The following CAPZB variants were observed in gnomAD, a reference collection of about 807,000 sequenced individuals.
CAPZB encodes the protein F-actin-capping protein subunit beta.
Under a neutral mutation model 38.1 loss-of-function variants are expected in CAPZB, and 2 were observed. The ratio of observed to expected loss-of-function variants is 0.05; its 90% CI spans 0.02 to 0.17. CAPZB has a LOEUF of 0.17. Ranked by LOEUF, CAPZB falls within the 10% of genes least tolerant of loss-of-function variation. The pLI, the probability that CAPZB is intolerant of heterozygous loss-of-function variation, is 1.00. For synonymous variants in CAPZB, 107 were observed against 127.4 expected (o/e 0.84, Z 1.08); for missense variants, 161 against 334.2 (o/e 0.48, Z 4.04).
chr1:19,464,735 T>C (rs1003976790), intron 1 of CAPZB, among the ~76,000 whole-genome samples: 15 of 152,172 alleles, frequency 9.9e-5, no homozygotes, highest in Non-Finnish European at 1.2e-4. Flanking sequence ...TATTAATACA[T>C]GCAACATGAA....
intron 2 of CAPZB, among the ~76,000 whole-genome samples, chr1:19,416,072 T>C (rs2094377892): frequency 6.6e-6 from 1 of 152,220 alleles, no homozygotes; most frequent in African/African-American, 2.4e-5. Flanking sequence ...AGCTGGTGCC[T>C]CTCAGGCCGT....
At chr1:19,453,008 C>A (rs750493342) in intron 1 of CAPZB, among the ~76,000 whole-genome samples, 11 of 151,822 alleles carry the variant, frequency 7.2e-5, no homozygotes, top group Non-Finnish European at 1.6e-4. Context: ...TTTCACCATG[C>A]TGGCCAGGCT....
At chr1:19,434,418 TAAAA>T (rs202085180) in intron 1 of CAPZB, among the ~76,000 whole-genome samples, 2 of 146,492 alleles carry the variant, frequency 1.4e-5, no homozygotes, top group African/African-American at 5.0e-5. Context: ...TTCAATTAAA[TAAAA>T]AAAAAACAAA....
intron 2 of CAPZB, among the ~76,000 whole-genome samples, chr1:19,414,080 C>A (rs542417131): frequency 6.6e-6 from 1 of 151,974 alleles, no homozygotes; most frequent in East Asian, 1.9e-4. Context: ...GGCTGCTTCA[C>A]GGAGAGCAGG....
intron 2 of CAPZB, among the ~76,000 whole-genome samples, chr1:19,387,309 T>C (rs2094209436): frequency 1.3e-5 from 2 of 152,210 alleles, no homozygotes; most frequent in African/African-American, 4.8e-5. Context: ...GGACAGTGCA[T>C]GCTAAAGGCA....
chr1:19,449,674 A>G (rs2094508045), intron 1 of CAPZB, among the ~76,000 whole-genome samples: 1 of 151,744 alleles, frequency 6.6e-6, no homozygotes, highest in Non-Finnish European at 1.5e-5. Flanking sequence ...AGTCCCATCT[A>G]CTTGAGAGGC....
At chr1:19,477,771 G>A (rs2094611976) in intron 1 of CAPZB, among the ~76,000 whole-genome samples, 1 of 152,230 alleles carries the variant, frequency 6.6e-6, no homozygotes, top group Admixed American at 6.5e-5. Flanking sequence ...TTGAAAGAAA[G>A]ATGGGGTCTT....
At chr1:19,449,162 C>T (rs1223301926) in intron 1 of CAPZB, 6 of 1,325,050 alleles carry the variant, frequency 4.5e-6, no homozygotes, top group Middle Eastern at 2.9e-4. Flanking sequence ...GCTGATAACG[C>T]ACAAAGTGCA....
chr1:19,396,488 G>A (rs968475182), intron 2 of CAPZB, among the ~76,000 whole-genome samples: 28 of 152,154 alleles, frequency 1.8e-4, no homozygotes, highest in Admixed American at 1.6e-3. Flanking sequence ...GTGGGCTGCC[G>A]CCTGCTGTGG....
chr1:19,371,476 C>T (rs1224999909), intron 4 of CAPZB, among the ~76,000 whole-genome samples: 1 of 152,232 alleles, frequency 6.6e-6, no homozygotes, highest in Non-Finnish European at 1.5e-5. Flanking sequence ...CCTCAGCCCA[C>T]AGCATGGGTA....
In CAPZB at chr1:19,356,330, C is replaced by T. The variant is rs1160557930; in HGVS notation, c.588+305G>A. Among the ~76,000 whole-genome samples, 1 of 152,178 alleles carries T rather than the reference C, an allele frequency of 6.6e-6. No homozygotes were observed. Among genetic ancestry groups the T allele is most frequent in the Non-Finnish European group, 1.5e-5 (1 of 68,042 alleles). Reference sequence around the variant, plus strand: ...AGAGACGGCAAACAGGGCCAAGCACCACTTCTCACAGCACAACATGAGCTG... The same window carrying T: ...AGAGACGGCAAACAGGGCCAAGCACTACTTCTCACAGCACAACATGAGCTG... On this transcript the variant is annotated intron_variant, in intron 6 of 8. Transcript: ENST00000264202. The surrounding 1 kb of genome is among the most constrained non-coding windows in gnomAD (Gnocchi z 4.3).
chr1:19,471,834 C>T (rs1254601335), intron 1 of CAPZB, among the ~76,000 whole-genome samples: 1 of 120,140 alleles, frequency 8.3e-6, no homozygotes, highest in East Asian at 2.5e-4. Context: ...CCACTGCACT[C>T]CAGCCTGGGA....
At chr1:19,366,307 T>TAA (rs1553270786) in intron 4 of CAPZB, among the ~76,000 whole-genome samples, 2 of 74,152 alleles carry the variant, frequency 2.7e-5, no homozygotes, top group East Asian at 7.6e-4. Context: ...TATATATATA[T>TAA]ATAAATAAAA....
At chr1:19,391,682 G>A (rs541381031) in intron 2 of CAPZB, among the ~76,000 whole-genome samples, 12 of 152,164 alleles carry the variant, frequency 7.9e-5, no homozygotes, top group African/African-American at 1.2e-4. Flanking sequence ...TCAAATCCTC[G>A]GTCAGTCACT....
intron 4 of CAPZB, among the ~76,000 whole-genome samples, chr1:19,362,643 TAAAAAAAAGAA>T (rs1339718807): frequency 2.0e-5 from 3 of 147,728 alleles, no homozygotes; most frequent in Non-Finnish European, 4.5e-5. Context: ...CCAGCCTCTA[TAAAAAAAAGAA>T]AAAAGAAAGA....
intron 2 of CAPZB, among the ~76,000 whole-genome samples, chr1:19,404,474 G>C (rs893005991): frequency 6.6e-6 from 1 of 151,202 alleles, no homozygotes; most frequent in African/African-American, 2.4e-5. Flanking sequence ...AACTCGGGAG[G>C]TGGAGGCTGC....
rs184584942 is a variant in CAPZB, at chr1:19,376,364, T to C, written c.329+2176A>G. 2.4e-3 allele frequency among the ~76,000 whole-genome samples: 370 copies of C among 152,362 alleles called. 1 individual carries two copies. Among genetic ancestry groups the C allele is most frequent in the African/African-American group, 7.6e-3 (317 of 41,584 alleles). ...TAGCTGAAAGGGCAGGCTGTATTCC[T>C]GGAGTATCCTGAGATGGCTCCCAAG... On this transcript the variant is annotated intron_variant, in intron 4 of 8. Transcript: ENST00000264202.
intron 4 of CAPZB, among the ~76,000 whole-genome samples, chr1:19,362,673 A>G (rs71645445): frequency 6.6e-6 from 1 of 152,226 alleles, no homozygotes; most frequent in Non-Finnish European, 1.5e-5. Context: ...GAAAAAAAAA[A>G]CCGTGGAGGC....
intron 4 of CAPZB, among the ~76,000 whole-genome samples, chr1:19,368,983 A>C (rs550620147): frequency 5.5e-4 from 84 of 152,320 alleles, no homozygotes; most frequent in African/African-American, 1.6e-3. Context: ...TTTCACTCCA[A>C]CATGTGCAAC....
Sources: gnomAD v4.1 joint callset for allele counts (sites outside exome capture counted in the v4.1 genomes callset) on GRCh38, gnomAD v4.1.1 for gene constraint, Gnocchi (gnomAD v3.1) non-coding constraint, MANE v1.5 for transcripts, NCBI Gene and HGNC (gene_info 2026-07-23, HGNC 2026-07-21) for gene names.